BRINP3: variants seen among roughly 807,000 people sequenced by gnomAD.
BRINP3 encodes BMP/retinoic acid-inducible neural-specific protein 3.
In BRINP3, 19 loss-of-function variants were observed where a neutral mutation model predicts 71.0. The observed-to-expected ratio is 0.27, with a 90% CI of 0.19 to 0.39. BRINP3 has a LOEUF of 0.39. Ranked by LOEUF, BRINP3 falls within the 10% of genes least tolerant of loss-of-function variation. The pLI is 1.00. For missense variants in BRINP3, 959 were observed against 940.8 expected, an observed-to-expected ratio of 1.02 and a Z score of -0.25; for synonymous variants, 380 against 337.7, an observed-to-expected ratio of 1.13 and a Z score of -1.37.
intron 7 of BRINP3, among the ~76,000 whole-genome samples, chr1:190,148,388 T>TCGAAACCA (rs1390201127): frequency 6.6e-6 from 1 of 151,536 alleles, no homozygotes; most frequent in Non-Finnish European, 1.5e-5. Context: ...GGTCAGGAGA[T>TCGAAACCA]CGAAACCATC....
intron 2 of BRINP3, among the ~76,000 whole-genome samples, chr1:190,394,794 A>T (rs745532705): frequency 9.9e-5 from 15 of 151,592 alleles, no homozygotes; most frequent in Non-Finnish European, 1.3e-4. Context: ...ATTCTTACAA[A>T]ATATACTCTA....
chr1:190,241,006 A>T (rs1659035835), intron 4 of BRINP3, among the ~76,000 whole-genome samples: 1 of 151,878 alleles, frequency 6.6e-6, no homozygotes, highest in Non-Finnish European at 1.5e-5. Flanking sequence ...ATTGCAGGGC[A>T]ATAATTTATT....
chr1:190,120,324 A>G (rs1187276969), intron 7 of BRINP3, among the ~76,000 whole-genome samples: 2 of 152,168 alleles, frequency 1.3e-5, no homozygotes, highest in Non-Finnish European at 2.9e-5. Context: ...GGACTAGAAA[A>G]TAATTTGTTG....
intron 2 of BRINP3, among the ~76,000 whole-genome samples, chr1:190,303,215 G>A (rs928167396): frequency 2.0e-5 from 3 of 151,656 alleles, no homozygotes; most frequent in Non-Finnish European, 4.4e-5. Flanking sequence ...ATTAAATTTT[G>A]TAGAAACAGT....
chr1:190,350,609 T>C (rs935823430), intron 2 of BRINP3, among the ~76,000 whole-genome samples: 1 of 152,138 alleles, frequency 6.6e-6, no homozygotes, highest in African/African-American at 2.4e-5. Flanking sequence ...CAAACCACTG[T>C]GAAATTGAGT....
At chr1:190,386,495 A>T (rs920650635) in intron 2 of BRINP3, among the ~76,000 whole-genome samples, 1 of 151,934 alleles carries the variant, frequency 6.6e-6, no homozygotes, top group African/African-American at 2.4e-5. Flanking sequence ...AATGTTAAAT[A>T]TATCATTGAA....
chr1:190,430,384 C>T (rs1256261348), intron 2 of BRINP3, among the ~76,000 whole-genome samples: 1 of 151,994 alleles, frequency 6.6e-6, no homozygotes, highest in African/African-American at 2.4e-5. Flanking sequence ...ACACAGGTCA[C>T]CAGAAATGAA....
intron 2 of BRINP3, among the ~76,000 whole-genome samples, chr1:190,389,304 C>T (rs1671101316): frequency 1.3e-5 from 2 of 151,698 alleles, no homozygotes; most frequent in African/African-American, 4.8e-5. Flanking sequence ...CCCATTTCTT[C>T]CTCTTAGTAG....
intron 6 of BRINP3, among the ~76,000 whole-genome samples, chr1:190,207,886 C>G (rs537833175): frequency 6.6e-6 from 1 of 152,178 alleles, no homozygotes; most frequent in East Asian, 1.9e-4. Context: ...CAAATATTAA[C>G]CGTGACTGAA....
rs942744675 is a variant in BRINP3, at chr1:190,304,173, G to C, written c.237-22423C>G. On this transcript the variant is annotated intron_variant, in intron 2 of 7. Coordinates refer to ENST00000367462, the MANE Select transcript of BRINP3 (RefSeq NM_199051.3). ...TCCATGCTATAAAACCAAGAACCTAGGCTTAAATCATTAAAATGTTTCTTT... is the reference window on the plus strand; with the variant it reads ...TCCATGCTATAAAACCAAGAACCTACGCTTAAATCATTAAAATGTTTCTTT... Among the ~76,000 whole-genome samples, 3 of 151,566 alleles carry C rather than the reference G, an allele frequency of 2.0e-5. No homozygotes were observed. In the South Asian group the frequency reaches 6.2e-4, roughly 31 times the overall value.
intron 7 of BRINP3, among the ~76,000 whole-genome samples, chr1:190,120,238 C>T (rs532318575): frequency 1.6e-4 from 25 of 152,234 alleles, no homozygotes; most frequent in African/African-American, 5.5e-4. Flanking sequence ...TAATTTTTCT[C>T]TGTTACAACC....
intron 2 of BRINP3, among the ~76,000 whole-genome samples, chr1:190,323,060 A>C (rs1274693134): frequency 6.6e-6 from 1 of 151,986 alleles, no homozygotes; most frequent in Admixed American, 6.6e-5. Flanking sequence ...GGCTACACCA[A>C]AAGCTTCTTA....
intron 7 of BRINP3, among the ~76,000 whole-genome samples, chr1:190,131,688 TCTC>T (rs1654558096): frequency 1.3e-5 from 2 of 152,088 alleles, no homozygotes; most frequent in African/African-American, 2.4e-5. Flanking sequence ...GTAGTATCAT[TCTC>T]CTGCTCCAAC....
At chr1:190,245,607 T>C (rs956285282) in intron 4 of BRINP3, among the ~76,000 whole-genome samples, 16 of 152,054 alleles carry the variant, frequency 1.1e-4, no homozygotes, top group African/African-American at 3.6e-4. Flanking sequence ...GATTTTTTTT[T>C]CTTTTTTTAT....
At chr1:190,462,161 C>G (rs1360769887) in intron 1 of BRINP3, among the ~76,000 whole-genome samples, 1 of 152,096 alleles carries the variant, frequency 6.6e-6, no homozygotes, top group Non-Finnish European at 1.5e-5. Flanking sequence ...ATCCACTCAT[C>G]TCAGTCTCCC....
At chr1:190,401,425 C>G (rs1049639896) in intron 2 of BRINP3, among the ~76,000 whole-genome samples, 1 of 147,360 alleles carries the variant, frequency 6.8e-6, no homozygotes, top group African/African-American at 2.5e-5. Flanking sequence ...AATCAAAAAG[C>G]TAGGGTTTCA....
chr1:190,462,697 C>A (rs1244411486), intron 1 of BRINP3, among the ~76,000 whole-genome samples: 1 of 152,074 alleles, frequency 6.6e-6, no homozygotes, highest in African/African-American at 2.4e-5. Context: ...TTCTCAGCAG[C>A]ACAGTGTAGT....
Position 190,383,558 on chromosome 1 carries a change from T to C in BRINP3, c.236+71097A>G, listed in dbSNP as rs16832306. 1.4e-3 allele frequency among the ~76,000 whole-genome samples: 209 copies of C among 152,208 alleles called. 6 individuals carry two copies. The East Asian group carries it at 0.038, about 27-fold the overall frequency. On this transcript the variant is annotated intron_variant, in intron 2 of 7. Coordinates refer to ENST00000367462, the MANE Select transcript of BRINP3 (RefSeq NM_199051.3). ...ATGTATGCCATAGTGTTAGAGAGTA[T>C]ATCATTTTGTGCTAATATGCGAAAT... is the stretch of plus-strand genomic sequence containing the variant.
At chr1:190,471,377 A>G (rs1229121113) in intron 1 of BRINP3, among the ~76,000 whole-genome samples, 1 of 151,258 alleles carries the variant, frequency 6.6e-6, no homozygotes, top group Non-Finnish European at 1.5e-5. Context: ...AGCAACTAAG[A>G]TTATCCATTA....
Sources: gnomAD v4.1 joint callset for allele counts (sites outside exome capture counted in the v4.1 genomes callset) on GRCh38, gnomAD v4.1.1 for gene constraint, MANE v1.5 for transcripts, NCBI Gene and HGNC (gene_info 2026-07-23, HGNC 2026-07-21) for gene names.